Variants in TNR observed in about 807,000 individuals in gnomAD.
The protein encoded by TNR is tenascin-R.
Under a neutral mutation model 150.4 loss-of-function variants are expected in TNR, and 45 were observed. That is an observed-to-expected ratio of 0.30 (90% CI 0.24 to 0.38). The LOEUF (loss-of-function observed/expected upper bound fraction) is 0.38. Among genes scored for constraint, TNR ranks in the 10% least tolerant of loss-of-function variants. The probability of loss-of-function intolerance (pLI) is 1.00; values close to 1 mark genes in which losing one functional copy is unlikely to be tolerated. For synonymous variants in TNR, 687 were observed against 678.4 expected, an observed-to-expected ratio of 1.01 and a Z score of -0.20; for missense variants, 1,544 against 1,759.1, an observed-to-expected ratio of 0.88 and a Z score of 2.19.
intron 1 of TNR, among the ~76,000 whole-genome samples, chr1:175,538,602 T>TGG (rs1209323782): frequency 1.3e-5 from 2 of 152,226 alleles, no homozygotes; most frequent in East Asian, 3.8e-4. Context: ...GATTACCATG[T>TGG]GGGGTGAGTT....
intron 1 of TNR, among the ~76,000 whole-genome samples, chr1:175,548,447 A>G (rs1196875567): frequency 6.6e-6 from 1 of 152,132 alleles, no homozygotes; most frequent in Admixed American, 6.6e-5. Flanking sequence ...ACTGATGCCA[A>G]GTTGGCTATA....
intron 1 of TNR, among the ~76,000 whole-genome samples, chr1:175,545,116 A>G (rs1406958696): frequency 2.0e-5 from 3 of 152,236 alleles, no homozygotes; most frequent in Admixed American, 6.5e-5. Context: ...TTTGGGGATT[A>G]TTACTTGAAT....
intron 2 of TNR, among the ~76,000 whole-genome samples, chr1:175,493,044 C>T (rs904467823): frequency 1.3e-5 from 2 of 151,978 alleles, no homozygotes; most frequent in African/African-American, 4.8e-5. Context: ...GGACTTGGCG[C>T]ATTTCTCCTG....
Position 175,509,827 on chromosome 1 carries a change from T to C in TNR, c.-64+18442A>G, listed in dbSNP as rs1659097519. Among the ~76,000 whole-genome samples, 3 of 152,358 alleles carry C rather than the reference T, an allele frequency of 2.0e-5. No individual in the cohort carries two copies. The South Asian group carries it at 6.2e-4, about 32-fold the overall frequency. ...CAGGGACCATCTTGTACTGTATTTT[T>C]AAACTTCCTTCTTTTTCCTGAGGAT... On this transcript the variant is annotated intron_variant, in intron 2 of 22. Coordinates refer to ENST00000367674, the MANE Select transcript of TNR (RefSeq NM_003285.3).
At chr1:175,657,726 C>T (rs1175993100) in intron 1 of TNR, among the ~76,000 whole-genome samples, 1 of 122,362 alleles carries the variant, frequency 8.2e-6, no homozygotes, top group Non-Finnish European at 1.6e-5. Flanking sequence ...ACAATGAGAA[C>T]ACATGGACAC....
At chr1:175,701,968 A>G (rs1189957849) in intron 1 of TNR, among the ~76,000 whole-genome samples, 1 of 152,258 alleles carries the variant, frequency 6.6e-6, no homozygotes, top group Non-Finnish European at 1.5e-5. Context: ...GTCGATTTAT[A>G]GTGGAGTGCA....
intron 1 of TNR, among the ~76,000 whole-genome samples, chr1:175,604,948 A>G (rs575053039): frequency 6.6e-6 from 1 of 152,348 alleles, no homozygotes; most frequent in Non-Finnish European, 1.5e-5. Flanking sequence ...GAGGAAGCAT[A>G]CACAAATGGA....
At chr1:175,577,945 G>C (rs1040991192) in intron 1 of TNR, among the ~76,000 whole-genome samples, 2 of 152,192 alleles carry the variant, frequency 1.3e-5, no homozygotes, top group African/African-American at 4.8e-5. Context: ...CCTTGAGCGA[G>C]TTATTTCACC....
intron 1 of TNR, among the ~76,000 whole-genome samples, chr1:175,716,723 A>T (rs1667162834): frequency 1.3e-5 from 2 of 152,220 alleles, no homozygotes; most frequent in African/African-American, 4.8e-5. Flanking sequence ...TTAACCAGAA[A>T]AGCTGGACAT....
intron 2 of TNR, among the ~76,000 whole-genome samples, chr1:175,483,384 A>G (rs1290101690): frequency 6.6e-6 from 1 of 152,184 alleles, no homozygotes; most frequent in Non-Finnish European, 1.5e-5. Flanking sequence ...GTGTATATCA[A>G]AGGCACTGTA....
At chr1:175,359,166 G>C (rs895763465) in intron 15 of TNR, among the ~76,000 whole-genome samples, 20 of 13,644 alleles carry the variant, frequency 1.5e-3, no homozygotes, top group Admixed American at 5.6e-3. Context: ...TTTTTTTTTA[G>C]ATGGAGTCTT....
chr1:175,334,700 T>C (rs1209737196), intron 20 of TNR, among the ~76,000 whole-genome samples: 1 of 152,028 alleles, frequency 6.6e-6, no homozygotes. Flanking sequence ...CCCAACCAAT[T>C]GGCAGCACCC....
intron 15 of TNR, 141 bp downstream of exon 15, chr1:175,359,471 T>C: frequency 1.0e-5 from 14 of 1,345,196 alleles, no homozygotes; most frequent in Non-Finnish European, 1.3e-5. Context: ...TCTTGAGGGC[T>C]TCATAGTATA....
chr1:175,682,191 CT>C (rs1249500660), intron 1 of TNR, among the ~76,000 whole-genome samples: 1 of 152,194 alleles, frequency 6.6e-6, no homozygotes, highest in Non-Finnish European at 1.5e-5. Context: ...TAAGGACCCT[CT>C]GAAAAAGTTA....
intron 1 of TNR, among the ~76,000 whole-genome samples, chr1:175,566,778 C>A (rs560276385): frequency 9.2e-5 from 14 of 152,222 alleles, no homozygotes; most frequent in Admixed American, 3.3e-4. Flanking sequence ...TCTATTCCAT[C>A]CCTCTGCAAT....
chr1:175,685,695 G>C (rs954083346), intron 1 of TNR, among the ~76,000 whole-genome samples: 1 of 152,076 alleles, frequency 6.6e-6, no homozygotes, highest in Admixed American at 6.6e-5. Context: ...ATGTCAAAGT[G>C]ACCATCAGCT....
At chr1:175,463,567 C>G (rs1240755788) in intron 2 of TNR, among the ~76,000 whole-genome samples, 1 of 152,220 alleles carries the variant, frequency 6.6e-6, no homozygotes, top group Non-Finnish European at 1.5e-5. Context: ...CCTTACCCAG[C>G]AATGTCCAAA....
At chr1:175,742,963 T>TACACACACACACAC (rs66777686) in intron 1 of TNR, among the ~76,000 whole-genome samples, 148 of 147,912 alleles carry the variant, frequency 1.0e-3, no homozygotes, top group African/African-American at 3.0e-3. Context: ...TATGCAACAG[T>TACACACACACACAC]ACACACACAC....
chr1:175,722,112 C>T (rs1667321923), intron 1 of TNR, among the ~76,000 whole-genome samples: 1 of 152,180 alleles, frequency 6.6e-6, no homozygotes, highest in Non-Finnish European at 1.5e-5. Context: ...CTCCATCACT[C>T]TGGCCTGGTC....
Sources: gnomAD v4.1 joint callset for allele counts (sites outside exome capture counted in the v4.1 genomes callset) on GRCh38, gnomAD v4.1.1 for gene constraint, MANE v1.5 for transcripts, NCBI Gene and HGNC (gene_info 2026-07-23, HGNC 2026-07-21) for gene names.